The following POU6F2 variants were observed in gnomAD, a reference collection of about 807,000 sequenced individuals.
POU6F2 encodes the protein POU domain, class 6, transcription factor 2.
A neutral mutation model predicts 71.3 loss-of-function variants in POU6F2; 31 were observed. The ratio of observed to expected loss-of-function variants is 0.43; its 90% CI spans 0.33 to 0.59. The LOEUF is 0.59. POU6F2 is among the 20% of genes least tolerant of loss of function. The pLI, the probability that POU6F2 is intolerant of heterozygous loss-of-function variation, is 0.04. For synonymous variants in POU6F2, 347 were observed against 355.7 expected, an observed-to-expected ratio of 0.98 and a Z score of 0.27; for missense variants, 783 against 856.8, an observed-to-expected ratio of 0.91 and a Z score of 1.07.
chr7:39,407,432 T>C (rs1352646806), intron 6 of POU6F2, among the ~76,000 whole-genome samples: 1 of 148,794 alleles, frequency 6.7e-6, no homozygotes, highest in African/African-American at 2.5e-5. Context: ...CACATAATGT[T>C]CATACTAGAT....
At position 39,161,937 on chromosome 7, in the gene POU6F2, C is replaced by T. The variant is rs573761641; in HGVS notation, c.278-42298C>T. On this transcript the variant is annotated intron_variant, in intron 2 of 9. Transcript: ENST00000518318. Reference sequence around the variant, plus strand: ...TCTTCTCCAATGTTTATTTCACCTGCATGGTAGAGTAACGCTGTCCTTGGA... The same window carrying T: ...TCTTCTCCAATGTTTATTTCACCTGTATGGTAGAGTAACGCTGTCCTTGGA... 4.6e-5 allele frequency among the ~76,000 whole-genome samples: 7 copies of T among 152,278 alleles called. No individual in the cohort carries two copies. In the East Asian group the frequency reaches 1.2e-3, roughly 25 times the overall value.
At chr7:39,400,031 A>T (rs1386897962) in intron 5 of POU6F2, among the ~76,000 whole-genome samples, 1 of 152,222 alleles carries the variant, frequency 6.6e-6, no homozygotes, top group Non-Finnish European at 1.5e-5. Context: ...TTATGAAGAC[A>T]TGATTGCTGA....
chr7:39,071,654 AACACACACACACACACACACACAC>A (rs10522287), intron 1 of POU6F2, among the ~76,000 whole-genome samples: 1 of 142,156 alleles, frequency 7.0e-6, no homozygotes, highest in East Asian at 2.0e-4. Context: ...TCTCTAAAGA[AACACACACACACACACACACACAC>A]ACACACACAC....
chr7:39,304,176 CTG>C (rs1444066413), intron 4 of POU6F2, among the ~76,000 whole-genome samples: 2 of 151,986 alleles, frequency 1.3e-5, no homozygotes, highest in Non-Finnish European at 2.9e-5. Flanking sequence ...AAAAAACAAA[CTG>C]AGAAAGCTGC....
intron 4 of POU6F2, among the ~76,000 whole-genome samples, chr7:39,273,002 A>G (rs1784366487): frequency 6.6e-6 from 1 of 152,208 alleles, no homozygotes; most frequent in Admixed American, 6.5e-5. Context: ...AGAAGGGGAG[A>G]TGATGGGAGA....
intron 4 of POU6F2, among the ~76,000 whole-genome samples, chr7:39,218,681 T>C (rs1055504977): frequency 6.6e-6 from 1 of 151,994 alleles, no homozygotes; most frequent in South Asian, 2.1e-4. Context: ...GGAGAAGAGG[T>C]CCTGGTGGCA....
chr7:39,341,399 A>C (rs1424289739), intron 5 of POU6F2, among the ~76,000 whole-genome samples: 1 of 152,154 alleles, frequency 6.6e-6, no homozygotes, highest in African/African-American at 2.4e-5. Flanking sequence ...ACAACGTAAC[A>C]CCTTTGACCT....
rs141184680 is a variant in POU6F2 at position 38,985,794 on chromosome 7, GA to G, written c.105+7738del. On this transcript the variant is annotated intron_variant, in intron 1 of 9. Transcript: ENST00000518318. ...AGGTGCATTTCTTGGTGTATTTCTA[GA>G]ACTGCTAATACAAGAGGTGTTTGTA... is the stretch of plus-strand genomic sequence containing the variant. Among the ~76,000 whole-genome samples the G allele has an allele frequency of 3.4e-3, 524 of 152,134 alleles. 3 individuals carry two copies. Among genetic ancestry groups the G allele is most frequent in the African/African-American group, 0.012 (503 of 41,512 alleles).
At chr7:39,116,318 G>A (rs986492293) in intron 2 of POU6F2, among the ~76,000 whole-genome samples, 4 of 152,104 alleles carry the variant, frequency 2.6e-5, no homozygotes, top group Non-Finnish European at 5.9e-5. Flanking sequence ...CTAGGAGGTC[G>A]AGGCTGCAGT....
intron 6 of POU6F2, among the ~76,000 whole-genome samples, chr7:39,414,996 G>C (rs558634426): frequency 9.3e-5 from 14 of 149,842 alleles, no homozygotes; most frequent in Non-Finnish European, 1.9e-4. Context: ...GGCTGCTGCA[G>C]CGTTTTGTTT....
chr7:39,295,675 A>C (rs889478281), intron 4 of POU6F2, among the ~76,000 whole-genome samples: 1 of 152,228 alleles, frequency 6.6e-6, no homozygotes, highest in Non-Finnish European at 1.5e-5. Flanking sequence ...ATTTAGATAG[A>C]GTAGTCCTGT....
intron 7 of POU6F2, among the ~76,000 whole-genome samples, chr7:39,439,373 T>G (rs1788334318): frequency 6.6e-6 from 1 of 152,228 alleles, no homozygotes; most frequent in South Asian, 2.1e-4. Context: ...AGGTTAATAT[T>G]GTTATGTATG....
chr7:39,236,450 T>A (rs1025490356), intron 4 of POU6F2, among the ~76,000 whole-genome samples: 23 of 152,306 alleles, frequency 1.5e-4, no homozygotes, highest in African/African-American at 5.3e-4. Context: ...TTGAAATAGT[T>A]AAAGCATCAG....
At position 39,391,265 on chromosome 7, in the gene POU6F2, T is replaced by C. The variant is rs140465491; in HGVS notation, c.973-15335T>C. On this transcript the variant is annotated intron_variant, in intron 5 of 9. Transcript: ENST00000518318. The stretch of plus-strand genomic sequence containing the variant: ...TCTTAGAAAAGTAAACATGTTTATA[T>C]GTTGTGGTTTTTACTTCATTTTCTA... Among the ~76,000 whole-genome samples, 1,156 of 152,292 alleles carry C rather than the reference T, an allele frequency of 7.6e-3. 13 individuals carry two copies. The highest frequency in any genetic ancestry group is 0.026 in the African/African-American group (1,089 of 41,556).
chr7:39,352,071 T>C (rs1431551654), intron 5 of POU6F2, among the ~76,000 whole-genome samples: 2 of 152,360 alleles, frequency 1.3e-5, no homozygotes, highest in East Asian at 3.9e-4. Flanking sequence ...TAAATCTTGA[T>C]TGATTATTGC....
In POU6F2 at chr7:39,217,911, G is replaced by A. The variant is rs909081036; in HGVS notation, c.598+10291G>A. On this transcript the variant is annotated intron_variant, in intron 4 of 9. Coordinates refer to ENST00000518318, the MANE Select transcript of POU6F2 (RefSeq NM_001370959.1). Reference sequence around the variant, plus strand: ...ATGAGGAGTATGACTAGTATACTGCGTATTTAAGAGATACTGTCAATGGAA... The same window carrying A: ...ATGAGGAGTATGACTAGTATACTGCATATTTAAGAGATACTGTCAATGGAA... Among the ~76,000 whole-genome samples the A allele has an allele frequency of 1.4e-4, 21 of 152,252 alleles. No homozygotes were observed. The South Asian group carries it at 2.1e-3, about 15-fold the overall frequency.
rs140434963 is a variant in POU6F2, at chr7:39,085,376, G to A, written c.106-484G>A. ...TCTGCTCTTGGGATAGGGTTTAATT[G>A]CTTCTCCCCCGGGGAGAAGGCTTCT... On this transcript the variant is annotated intron_variant, in intron 1 of 9. Coordinates refer to ENST00000518318, the MANE Select transcript of POU6F2 (RefSeq NM_001370959.1). 1.9e-3 allele frequency among the ~76,000 whole-genome samples: 295 copies of A among 151,840 alleles called. 1 individual carries two copies. The highest frequency in any genetic ancestry group is 7.0e-3 in the African/African-American group (289 of 41,406).
intron 2 of POU6F2, among the ~76,000 whole-genome samples, chr7:39,136,740 T>C (rs1438190931): frequency 6.6e-6 from 1 of 151,694 alleles, no homozygotes; most frequent in Non-Finnish European, 1.5e-5. Flanking sequence ...ACACCTGTAA[T>C]CCCAGCACTT....
chr7:39,132,405 A>C (rs1792305268), intron 2 of POU6F2: 1 of 152,172 alleles, frequency 6.6e-6, no homozygotes, highest in Non-Finnish European at 1.5e-5. Flanking sequence ...GGCTAATCAG[A>C]GAGGCAAATG....
Sources: gnomAD v4.1 joint callset for allele counts (sites outside exome capture counted in the v4.1 genomes callset) on GRCh38, gnomAD v4.1.1 for gene constraint, MANE v1.5 for transcripts, NCBI Gene and HGNC (gene_info 2026-07-23, HGNC 2026-07-21) for gene names.